The following NPEPPS variants were observed in gnomAD, a reference collection of about 807,000 sequenced individuals.
NPEPPS encodes puromycin-sensitive aminopeptidase.
Under a neutral mutation model 115.5 loss-of-function variants are expected in NPEPPS, and 14 were observed. That is an observed-to-expected ratio of 0.12 (90% CI 0.08 to 0.19). The LOEUF is 0.19. Ranked by LOEUF, NPEPPS falls within the 10% of genes least tolerant of loss-of-function variation. The pLI is 1.00. For missense variants in NPEPPS, 523 were observed against 1,110.8 expected (o/e 0.47, Z 7.52); for synonymous variants, 285 against 390.6 (o/e 0.73, Z 3.19).
chr17:47,584,000 C>T (rs1157886606), intron 5 of NPEPPS, among the ~76,000 whole-genome samples: 1 of 150,350 alleles, frequency 6.7e-6, no homozygotes, highest in Non-Finnish European at 1.5e-5. Flanking sequence ...GCAGGTGGAT[C>T]ATTTGAGGCC....
intron 1 of NPEPPS, among the ~76,000 whole-genome samples, chr17:47,544,333 C>T (rs979142755): frequency 4.6e-5 from 7 of 152,088 alleles, no homozygotes; most frequent in Non-Finnish European, 7.4e-5. Flanking sequence ...CCACCACACT[C>T]GGCGGTAAGA....
intron 15 of NPEPPS, 86 bp downstream of exon 15, chr17:47,601,833 C>CA: frequency 3.9e-6 from 5 of 1,295,566 alleles, no homozygotes; most frequent in Non-Finnish European, 3.2e-6. Flanking sequence ...TTAGTAGTTT[C>CA]AAAGAAAAAA....
chr17:47,535,190 C>G (rs1392202188), intron 1 of NPEPPS, among the ~76,000 whole-genome samples: 4 of 128,468 alleles, frequency 3.1e-5, no homozygotes, highest in African/African-American at 1.2e-4. Context: ...TTGCAGTGAG[C>G]TGAGATTGCG....
intron 9 of NPEPPS, among the ~76,000 whole-genome samples, chr17:47,589,011 G>C (rs1327406827): frequency 6.6e-6 from 1 of 152,140 alleles, no homozygotes; most frequent in East Asian, 1.9e-4. Flanking sequence ...TTACCTCTGG[G>C]CTCAAGCAAT....
chr17:47,547,205 G>T (rs1371687666), intron 2 of NPEPPS, among the ~76,000 whole-genome samples: 1 of 152,148 alleles, frequency 6.6e-6, no homozygotes, highest in Non-Finnish European at 1.5e-5. Context: ...TATAAAATGA[G>T]AACTGTTTTA....
intron 3 of NPEPPS, among the ~76,000 whole-genome samples, chr17:47,578,000 GT>G: frequency 6.6e-6 from 1 of 152,242 alleles, no homozygotes; most frequent in East Asian, 1.9e-4. Flanking sequence ...GAGGCCAGGA[GT>G]TTAAGACCAG....
chr17:47,572,894 G>A (rs1008121874), intron 3 of NPEPPS, among the ~76,000 whole-genome samples: 3 of 152,164 alleles, frequency 2.0e-5, no homozygotes, highest in African/African-American at 7.2e-5. Context: ...TCCTGCCTCA[G>A]CCTCCTGGGT....
At chr17:47,588,325 G>T (rs1912311652) in intron 9 of NPEPPS, among the ~76,000 whole-genome samples, 1 of 152,202 alleles carries the variant, frequency 6.6e-6, no homozygotes, top group Non-Finnish European at 1.5e-5. Context: ...ACTTTGGGAG[G>T]CTGAGGCAGG....
chr17:47,558,830 C>G (rs990921264), intron 2 of NPEPPS, among the ~76,000 whole-genome samples: 1 of 151,964 alleles, frequency 6.6e-6, no homozygotes, highest in Admixed American at 6.6e-5. Flanking sequence ...GTCAGGAGAT[C>G]GAGACCATCC....
intron 15 of NPEPPS, among the ~76,000 whole-genome samples, chr17:47,603,102 C>T (rs1436496205): frequency 6.6e-6 from 1 of 152,220 alleles, no homozygotes; most frequent in East Asian, 1.9e-4. Context: ...TATTTTTTGG[C>T]TATTGGTAAA....
intron 2 of NPEPPS, among the ~76,000 whole-genome samples, chr17:47,546,513 CA>C (rs1909229331): frequency 6.6e-6 from 1 of 152,074 alleles, no homozygotes; most frequent in Non-Finnish European, 1.5e-5. Context: ...GTAAATGTCA[CA>C]ATTTATTTTA....
intron 1 of NPEPPS, among the ~76,000 whole-genome samples, chr17:47,537,666 A>G (rs932227762): frequency 2.0e-5 from 3 of 151,336 alleles, no homozygotes; most frequent in Non-Finnish European, 4.4e-5. Context: ...ACGCCATTGC[A>G]CTCCAGCCGG....
At chr17:47,545,803 T>C in intron 1 of NPEPPS, 106 bp from the exon 2 acceptor site, 1 of 1,476,952 alleles carries the variant, frequency 6.8e-7, no homozygotes, top group Non-Finnish European at 9.1e-7. Flanking sequence ...TTGCTTGGCC[T>C]CCCAAAGTGC....
rs1913934606 is a variant in NPEPPS at position 47,612,508 on chromosome 17, A to G, written c.2144A>G (p.Lys715Arg). ...GGCTTGGTTCTGGGAAAACTAGGAA[A>G]AGCAGGACATAAGGCAACGTTAGAA... ...LRGLVLGKLG[K>R]AGHKATLEEA... The change falls in exon 18 of 23, where the codon AAA (lysine) becomes AGA (arginine). Residue 715 changes from lysine to arginine, a missense_variant. Physicochemically the swap from Lys to Arg is conservative, Grantham distance 26. Transcript: ENST00000322157. 1 of 1,613,962 alleles carries G rather than the reference A, an allele frequency of 6.2e-7. No individual in the cohort carries two copies.
chr17:47,594,683 A>G (rs1305047962), intron 12 of NPEPPS, among the ~76,000 whole-genome samples: 1 of 151,736 alleles, frequency 6.6e-6, no homozygotes, highest in Non-Finnish European at 1.5e-5. Context: ...CCCAGGCTGG[A>G]GTGCAGTGGC....
intron 20 of NPEPPS, 33 bp from the exon 21 acceptor site, chr17:47,618,976 A>T: frequency 6.2e-7 from 1 of 1,601,842 alleles, no homozygotes; most frequent in South Asian, 1.1e-5. Flanking sequence ...TGTTTTTGAT[A>T]CACTAGACTT....
chr17:47,575,292 A>C (rs1911447319), intron 3 of NPEPPS, among the ~76,000 whole-genome samples: 1 of 152,126 alleles, frequency 6.6e-6, no homozygotes, highest in South Asian at 2.1e-4. Flanking sequence ...GCCATACATA[A>C]TGTTCTGCAC....
chr17:47,561,980 A>G (rs1433023061), intron 2 of NPEPPS, among the ~76,000 whole-genome samples: 1 of 152,218 alleles, frequency 6.6e-6, no homozygotes, highest in Non-Finnish European at 1.5e-5. Flanking sequence ...GAAATCCTGG[A>G]CCAGGTACAG....
chr17:47,531,638 G>T (rs2038502959), intron 1 of NPEPPS, 83 bp downstream of exon 1: 7 of 1,418,362 alleles, frequency 4.9e-6, no homozygotes, highest in Non-Finnish European at 6.4e-6. Context: ...GGCCCGGCCG[G>T]GAGGGCGGGC....
Sources: gnomAD v4.1 joint callset for allele counts (sites outside exome capture counted in the v4.1 genomes callset) on GRCh38, gnomAD v4.1.1 for gene constraint, MANE v1.5 for transcripts, NCBI Gene and HGNC (gene_info 2026-07-23, HGNC 2026-07-21) for gene names.